EXOC6B: variants seen among roughly 807,000 people sequenced by gnomAD.
EXOC6B encodes SEC15 homolog B.
Under a neutral mutation model 113.5 loss-of-function variants are expected in EXOC6B, and 54 were observed. The ratio of observed to expected loss-of-function variants is 0.48; its 90% CI spans 0.38 to 0.60. The LOEUF is 0.60. EXOC6B is among the 20% of genes least tolerant of loss of function. EXOC6B has a pLI of 0.00. For missense variants in EXOC6B, 797 were observed against 977.5 expected, an observed-to-expected ratio of 0.82 and a Z score of 2.46; for synonymous variants, 357 against 339.0, an observed-to-expected ratio of 1.05 and a Z score of -0.58.
chr2:72,209,928 G>A (rs1277182274), intron 20 of EXOC6B, among the ~76,000 whole-genome samples: 1 of 152,162 alleles, frequency 6.6e-6, no homozygotes, highest in Non-Finnish European at 1.5e-5. Flanking sequence ...GGTCCTCAGT[G>A]ATAAGATTTT....
chr2:72,712,945 T>C (rs897219147), intron 6 of EXOC6B, among the ~76,000 whole-genome samples: 2 of 152,220 alleles, frequency 1.3e-5, no homozygotes, highest in African/African-American at 2.4e-5. Flanking sequence ...AAACCTTGCA[T>C]ACAAAAGAAT....
At chr2:72,664,478 T>C (rs2104461389) in intron 6 of EXOC6B, among the ~76,000 whole-genome samples, 1 of 152,238 alleles carries the variant, frequency 6.6e-6, no homozygotes, top group Middle Eastern at 3.4e-3. Context: ...AGAGATCCCA[T>C]GACCCCCCAC....
In EXOC6B at chr2:72,825,706, G is replaced by T; in HGVS notation, c.113+92C>A. 1 of 1,386,720 alleles carries T rather than the reference G, an allele frequency of 7.2e-7. No individual in the cohort carries two copies. Among genetic ancestry groups the T allele is most frequent in the Non-Finnish European group, 9.5e-7 (1 of 1,057,100 alleles). The allele number at this position is 1,386,720 out of a possible 1,614,324, so 85.9% of individuals were successfully genotyped here. ...TCTCCGAAGGGAGGGGCCGGCGCCG[G>T]ACCTGGGGACAGCCGGCCGGAGGCC... On this transcript the variant is annotated intron_variant, in intron 1 of 21. Transcript: ENST00000272427. The surrounding 1 kb of genome is among the most constrained non-coding windows in gnomAD (Gnocchi z 4.4).
At chr2:72,418,353 CT>C (rs1301874973) in intron 18 of EXOC6B, among the ~76,000 whole-genome samples, 2 of 152,172 alleles carry the variant, frequency 1.3e-5, no homozygotes, top group African/African-American at 4.8e-5. Flanking sequence ...ACCTCAACTC[CT>C]GGCAACCACC....
chr2:72,422,470 A>G (rs1694948580), intron 18 of EXOC6B, among the ~76,000 whole-genome samples: 1 of 150,724 alleles, frequency 6.6e-6, no homozygotes, highest in African/African-American at 2.5e-5. Context: ...AAATACACCA[A>G]TCAGCACCCT....
At chr2:72,493,449 C>T (rs1699867153) in intron 15 of EXOC6B, among the ~76,000 whole-genome samples, 1 of 148,994 alleles carries the variant, frequency 6.7e-6, no homozygotes, top group South Asian at 2.1e-4. Context: ...TATTCACATG[C>T]AAGCAAGATT....
intron 6 of EXOC6B, among the ~76,000 whole-genome samples, chr2:72,578,831 A>C (rs1705031233): frequency 6.6e-6 from 1 of 152,190 alleles, no homozygotes; most frequent in Non-Finnish European, 1.5e-5. Context: ...TGTATGAAAA[A>C]AATATTATCC....
rs962623061 is a variant in EXOC6B at position 72,394,261 on chromosome 2, T to C, written c.1981-14391A>G. 4.6e-5 allele frequency among the ~76,000 whole-genome samples: 7 copies of C among 152,166 alleles called. 1 individual carries two copies. Among genetic ancestry groups the C allele is most frequent in the African/African-American group, 1.7e-4 (7 of 41,444 alleles). ...ATTTTACAAAGTATATCTTTTATAG[T>C]CATATGATTTTGTTTTTTTATTCTA... On this transcript the variant is annotated intron_variant, in intron 18 of 21. Coordinates refer to ENST00000272427, the MANE Select transcript of EXOC6B (RefSeq NM_015189.3).
At chr2:72,617,699 G>C (rs1003920689) in intron 6 of EXOC6B, among the ~76,000 whole-genome samples, 4 of 151,616 alleles carry the variant, frequency 2.6e-5, no homozygotes, top group African/African-American at 9.7e-5. Flanking sequence ...ATTTTTTGTA[G>C]AGATGGGGTT....
At chr2:72,218,172 A>G (rs983368337) in intron 20 of EXOC6B, among the ~76,000 whole-genome samples, 3 of 152,186 alleles carry the variant, frequency 2.0e-5, no homozygotes. Context: ...CCTTTTGTCA[A>G]CTATACCTCA....
At chr2:72,527,937 T>C (rs1701817019) in intron 8 of EXOC6B, among the ~76,000 whole-genome samples, 2 of 152,010 alleles carry the variant, frequency 1.3e-5, no homozygotes, top group South Asian at 4.1e-4. Flanking sequence ...ATATTCTAGA[T>C]ACATAAGGAC....
At chr2:72,389,944 T>C (rs1029427772) in intron 18 of EXOC6B, among the ~76,000 whole-genome samples, 3 of 152,136 alleles carry the variant, frequency 2.0e-5, no homozygotes, top group Non-Finnish European at 4.4e-5. Context: ...AGACAAGACA[T>C]ACTGTCTGTC....
chr2:72,493,950 A>G (rs536851355), intron 15 of EXOC6B, among the ~76,000 whole-genome samples: 1 of 152,150 alleles, frequency 6.6e-6, no homozygotes, highest in Non-Finnish European at 1.5e-5. Context: ...TTAGCCTCCA[A>G]AACAGATATG....
At chr2:72,276,495 G>A (rs896134294) in intron 20 of EXOC6B, among the ~76,000 whole-genome samples, 17 of 152,116 alleles carry the variant, frequency 1.1e-4, no homozygotes, top group African/African-American at 2.4e-4. Context: ...TACATGTATC[G>A]TGTGCCAGAA....
chr2:72,550,389 T>C (rs898351540), intron 8 of EXOC6B, among the ~76,000 whole-genome samples: 1 of 152,136 alleles, frequency 6.6e-6, no homozygotes, highest in Non-Finnish European at 1.5e-5. Flanking sequence ...CTAATGGAGA[T>C]ATCTGAGTAT....
intron 6 of EXOC6B, among the ~76,000 whole-genome samples, chr2:72,663,993 C>T (rs1306036306): frequency 6.6e-6 from 1 of 152,084 alleles, no homozygotes; most frequent in Non-Finnish European, 1.5e-5. Context: ...TTCAACTTTT[C>T]TGTAAACCTA....
chr2:72,390,077 T>C (rs1047834940), intron 18 of EXOC6B, among the ~76,000 whole-genome samples: 2 of 152,258 alleles, frequency 1.3e-5, no homozygotes, highest in African/African-American at 4.8e-5. Flanking sequence ...AGAGCGAGAC[T>C]CTGTCTCAAC....
chr2:72,666,480 C>T (rs1293471784), intron 6 of EXOC6B, among the ~76,000 whole-genome samples: 2 of 151,994 alleles, frequency 1.3e-5, no homozygotes, highest in African/African-American at 4.8e-5. Context: ...GACAAGAATG[C>T]CCACTCTCAC....
intron 19 of EXOC6B, among the ~76,000 whole-genome samples, chr2:72,369,303 A>G (rs1690851941): frequency 6.6e-6 from 1 of 152,216 alleles, no homozygotes; most frequent in Non-Finnish European, 1.5e-5. Context: ...CCAACTTACA[A>G]GGGATGTGAA....
Sources: gnomAD v4.1 joint callset for allele counts (sites outside exome capture counted in the v4.1 genomes callset) on GRCh38, gnomAD v4.1.1 for gene constraint, Gnocchi (gnomAD v3.1) non-coding constraint, MANE v1.5 for transcripts, NCBI Gene and HGNC (gene_info 2026-07-23, HGNC 2026-07-21) for gene names.